PDE11A: variants seen among roughly 807,000 people sequenced by gnomAD.
PDE11A encodes dual 3',5'-cyclic-AMP and -GMP phosphodiesterase 11A.
Under a neutral mutation model 100.5 loss-of-function variants are expected in PDE11A, and 100 were observed. The ratio of observed to expected loss-of-function variants is 1.00; its 90% CI spans 0.85 to 1.18. The LOEUF (loss-of-function observed/expected upper bound fraction) is 1.18, where lower values mean the gene tolerates loss of function less well. Among genes scored for constraint, PDE11A ranks in the 50% most tolerant of loss-of-function variants. The pLI, the probability that PDE11A is intolerant of heterozygous loss-of-function variation, is 0.00. For synonymous variants in PDE11A, 381 were observed against 420.8 expected (o/e 0.91, Z 1.16); for missense variants, 1,141 against 1,152.6 (o/e 0.99, Z 0.15).
At chr2:177,660,858 G>A (rs1445718602) in intron 19 of PDE11A, among the ~76,000 whole-genome samples, 3 of 152,202 alleles carry the variant, frequency 2.0e-5, no homozygotes, top group Non-Finnish European at 4.4e-5. Context: ...ACTACCCAGT[G>A]AAAGTCAATG....
At chr2:177,776,958 C>A (rs565745145) in intron 9 of PDE11A, among the ~76,000 whole-genome samples, 1 of 152,116 alleles carries the variant, frequency 6.6e-6, no homozygotes, top group East Asian at 1.9e-4. Context: ...ATAGTGAGTC[C>A]TCATGAGATC....
intron 1 of PDE11A, among the ~76,000 whole-genome samples, chr2:178,021,819 G>A (rs934570): frequency 0.95 from 143,971 of 152,056 alleles, 68,659 homozygotes; most frequent in East Asian, 1. Flanking sequence ...GAGGTGGAAG[G>A]GAGTGTCCCA....
intron 4 of PDE11A, among the ~76,000 whole-genome samples, chr2:177,882,075 G>A (rs958764656): frequency 2.0e-5 from 3 of 152,128 alleles, no homozygotes; most frequent in South Asian, 2.1e-4. Flanking sequence ...AGATATACTC[G>A]AGGATATATC....
chr2:178,077,339 G>T (rs1338390911), upstream of PDE11A, among the ~76,000 whole-genome samples: 1 of 135,152 alleles, frequency 7.4e-6, no homozygotes. Flanking sequence ...TCATGCCAAA[G>T]CCCCATTTCT....
chr2:177,833,787 AG>A (rs1350079530), intron 6 of PDE11A, among the ~76,000 whole-genome samples: 1 of 152,244 alleles, frequency 6.6e-6, no homozygotes, highest in Non-Finnish European at 1.5e-5. Flanking sequence ...AATAGATATT[AG>A]TGATAGAGGC....
chr2:177,767,090 G>A (rs114143086), intron 10 of PDE11A, among the ~76,000 whole-genome samples: 2,637 of 152,246 alleles, frequency 0.017, 34 homozygotes, highest in South Asian at 0.033. Flanking sequence ...CCAGAATTTC[G>A]GGAGGCTGAG....
intron 19 of PDE11A, among the ~76,000 whole-genome samples, chr2:177,657,173 A>G (rs2080402130): frequency 6.6e-6 from 1 of 152,232 alleles, no homozygotes; most frequent in Non-Finnish European, 1.5e-5. Flanking sequence ...TCTTCCATTC[A>G]TATTTGACTA....
intron 2 of PDE11A, among the ~76,000 whole-genome samples, chr2:177,917,548 A>T (rs1358367011): frequency 6.6e-6 from 1 of 152,244 alleles, no homozygotes; most frequent in East Asian, 1.9e-4. Flanking sequence ...TGTCTTACAC[A>T]TATTAAATAC....
intron 2 of PDE11A, among the ~76,000 whole-genome samples, chr2:177,992,032 T>C (rs1401925606): frequency 6.6e-6 from 1 of 151,334 alleles, no homozygotes; most frequent in Non-Finnish European, 1.5e-5. Flanking sequence ...GATAACCTCT[T>C]AGAGGCTTCC....
At chr2:177,929,161 TA>T (rs2085173057) in intron 2 of PDE11A, among the ~76,000 whole-genome samples, 1 of 152,008 alleles carries the variant, frequency 6.6e-6, no homozygotes, top group Non-Finnish European at 1.5e-5. Flanking sequence ...CCAAATCTCC[TA>T]ATCTCCTCCC....
chr2:177,853,115 CAGCTGAATA>C (rs2083744502), intron 5 of PDE11A, among the ~76,000 whole-genome samples: 1 of 115,166 alleles, frequency 8.7e-6, no homozygotes, highest in African/African-American at 3.4e-5. Flanking sequence ...GCTTCTGTCA[CAGCTGAATA>C]AATCTGGGTG....
At chr2:177,979,996 G>C (rs1196968515) in intron 2 of PDE11A, among the ~76,000 whole-genome samples, 1 of 150,448 alleles carries the variant, frequency 6.6e-6, no homozygotes, top group Non-Finnish European at 1.5e-5. Flanking sequence ...CAAATATCAA[G>C]ATTATCTTAA....
intron 1 of PDE11A, among the ~76,000 whole-genome samples, chr2:178,040,887 A>G (rs1428152455): frequency 6.6e-6 from 1 of 152,218 alleles, no homozygotes; most frequent in Non-Finnish European, 1.5e-5. Flanking sequence ...TTTAAAGTCA[A>G]CAAATACAGA....
intron 2 of PDE11A, among the ~76,000 whole-genome samples, chr2:178,080,115 T>C (rs1191943781): frequency 6.6e-6 from 1 of 152,198 alleles, no homozygotes; most frequent in East Asian, 1.9e-4. Flanking sequence ...CTGGTGATAG[T>C]TTCTTTTGTT....
intron 4 of PDE11A, among the ~76,000 whole-genome samples, chr2:177,896,605 G>A (rs1420103705): frequency 6.6e-6 from 1 of 152,154 alleles, no homozygotes; most frequent in Non-Finnish European, 1.5e-5. Flanking sequence ...CCTGAAATCT[G>A]CCAGGTATTA....
At chr2:177,854,543 G>A (rs1285019653) in intron 5 of PDE11A, among the ~76,000 whole-genome samples, 1 of 152,126 alleles carries the variant, frequency 6.6e-6, no homozygotes, top group African/African-American at 2.4e-5. Flanking sequence ...GGTTATTTGT[G>A]GGGGAAAATA....
rs16865833 is a variant in PDE11A at position 177,848,149 on chromosome 2, G to A, written c.1368-7766C>T. Among the ~76,000 whole-genome samples the A allele has an allele frequency of 7.3e-3, 1,103 of 152,090 alleles. 12 individuals are homozygous for A. The highest frequency in any genetic ancestry group is 0.025 in the African/African-American group (1,027 of 41,482). ...TTTCTAAAGTTTTTTTTTAAAGCAA[G>A]TCATTTGTCCATGTTTAATTTCACT... is the stretch of plus-strand genomic sequence containing the variant. On this transcript the variant is annotated intron_variant, in intron 5 of 19. Coordinates refer to ENST00000286063, the MANE Select transcript of PDE11A (RefSeq NM_016953.4).
chr2:177,666,692 A>C (rs1166592463), intron 18 of PDE11A, among the ~76,000 whole-genome samples: 2 of 151,316 alleles, frequency 1.3e-5, no homozygotes, highest in African/African-American at 4.9e-5. Context: ...CCATTTACAT[A>C]TTTTCTTTGG....
chr2:178,027,935 C>A (rs1050037432), intron 1 of PDE11A, among the ~76,000 whole-genome samples: 2 of 152,052 alleles, frequency 1.3e-5, no homozygotes, highest in Admixed American at 6.6e-5. Context: ...CTAAAAAAAA[C>A]AAACTATTAA....
Sources: gnomAD v4.1 joint callset for allele counts (sites outside exome capture counted in the v4.1 genomes callset) on GRCh38, gnomAD v4.1.1 for gene constraint, MANE v1.5 for transcripts, NCBI Gene and HGNC (gene_info 2026-07-23, HGNC 2026-07-21) for gene names.